The following RNF111 variants were observed in gnomAD, a reference collection of about 807,000 sequenced individuals.
The protein encoded by RNF111 is ring finger protein 111.
RNF111 carries 17 observed loss-of-function variants against 95.1 expected under a neutral mutation model. The ratio of observed to expected loss-of-function variants is 0.18; its 90% confidence interval spans 0.12 to 0.27. The LOEUF (loss-of-function observed/expected upper bound fraction) is 0.27, where lower values mean the gene tolerates loss of function less well. Among genes scored for constraint, RNF111 ranks in the 10% least tolerant of loss-of-function variants. The pLI is 1.00. For synonymous variants in RNF111, 440 were observed against 414.8 expected (o/e 1.06, Z -0.74); for missense variants, 1,189 against 1,210.4 (o/e 0.98, Z 0.26).
chr15:59,003,287 T>TAAC (rs1390899709), intron 1 of RNF111, among the ~76,000 whole-genome samples: 3 of 151,974 alleles, frequency 2.0e-5, no homozygotes, highest in African/African-American at 7.3e-5. Context: ...TAAGTTTTTG[T>TAAC]AGAGACATGC....
intron 1 of RNF111, 33 bp downstream of exon 1, chr15:58,988,101 G>C (rs2038646513): frequency 6.7e-6 from 1 of 148,612 alleles, no homozygotes; most frequent in African/African-American, 2.5e-5. Context: ...GGATCCATTG[G>C]AGGCCGCGCG....
chr15:59,035,099 A>T (rs550363851), intron 2 of RNF111, among the ~76,000 whole-genome samples: 1 of 152,044 alleles, frequency 6.6e-6, no homozygotes, highest in East Asian at 1.9e-4. Flanking sequence ...GTGCAGGGGA[A>T]CTCCCATTTA....
At chr15:59,032,052 C>G (rs142028484) in intron 2 of RNF111, among the ~76,000 whole-genome samples, 1 of 152,088 alleles carries the variant, frequency 6.6e-6, no homozygotes, top group Non-Finnish European at 1.5e-5. Context: ...AATTCTCCTG[C>G]GTCAGCCTCC....
intron 8 of RNF111, among the ~76,000 whole-genome samples, chr15:59,083,062 T>C (rs1198668477): frequency 1.3e-5 from 2 of 151,820 alleles, no homozygotes; most frequent in Admixed American, 1.3e-4. Flanking sequence ...GGTGGGAGGA[T>C]CACTTAAGCC....
chr15:59,001,496 G>C (rs1322483639), intron 1 of RNF111, among the ~76,000 whole-genome samples: 1 of 152,022 alleles, frequency 6.6e-6, no homozygotes, highest in Non-Finnish European at 1.5e-5. Context: ...TAAAGGTCTT[G>C]TATAACTTAC....
intron 2 of RNF111, among the ~76,000 whole-genome samples, chr15:59,044,939 T>C (rs1349549991): frequency 1.3e-5 from 2 of 152,178 alleles, no homozygotes; most frequent in Admixed American, 1.3e-4. Flanking sequence ...GTTCAAGTTA[T>C]GCATAAAGTC....
At chr15:58,999,682 T>C (rs745449066) in intron 1 of RNF111, among the ~76,000 whole-genome samples, 7 of 152,144 alleles carry the variant, frequency 4.6e-5, no homozygotes, top group Non-Finnish European at 7.4e-5. Flanking sequence ...TTTATGAGTT[T>C]TACTTTCTAA....
chr15:59,031,619 C>T lies in RNF111; in HGVS notation c.797C>T (p.Ser266Phe), dbSNP rs1237306108. Residue 266 changes from serine (S) to phenylalanine (F), a missense_variant, in exon 2 of 14, where the codon TCT becomes TTT. By Grantham distance (155) the Ser-to-Phe change is radical. Transcript: ENST00000348370. Reference sequence around the variant, plus strand: ...GAGAATGACCTCAGCAGTGAATCCTCTTCTAGCTCATCAACTGAAGGAGAA... The same window carrying T: ...GAGAATGACCTCAGCAGTGAATCCTTTTCTAGCTCATCAACTGAAGGAGAA... ...SSENDLSSES[S>F]SSSSTEGEED... 1.2e-6 allele frequency: 2 copies of T among 1,614,202 alleles called. No homozygotes were observed. The highest frequency in any genetic ancestry group is 1.7e-6 in the Non-Finnish European group (2 of 1,180,010).
At chr15:59,038,401 T>C (rs1292768839) in intron 2 of RNF111, among the ~76,000 whole-genome samples, 1 of 152,234 alleles carries the variant, frequency 6.6e-6, no homozygotes, top group African/African-American at 2.4e-5. Flanking sequence ...AAGATAACCC[T>C]TGGAATTGTA....
At chr15:59,080,177 G>C (rs752430861) in intron 7 of RNF111, among the ~76,000 whole-genome samples, 1 of 141,732 alleles carries the variant, frequency 7.1e-6, no homozygotes, top group Non-Finnish European at 1.5e-5. Flanking sequence ...CTGGGGTGCA[G>C]TGGCATGATC....
In RNF111 at chr15:59,052,464, A is replaced by T. The variant is rs772373427; in HGVS notation, c.1007+33A>T. The T allele has an allele frequency of 3.9e-5, 56 of 1,439,242 alleles. No homozygotes were observed. In the Admixed American group the frequency reaches 1.3e-3, roughly 34 times the overall value. The allele number at this position is 1,439,242 out of a possible 1,614,324, so 89.2% of individuals were successfully genotyped here. A position where few individuals can be genotyped will look rare whatever the true frequency, so the allele number is the denominator to read the frequency against. ...TTTAATTCTTAGTTAAATGTTTGAAATATTAAATATAAATATTAAACATAT... is the reference window on the plus strand; with the variant it reads ...TTTAATTCTTAGTTAAATGTTTGAATTATTAAATATAAATATTAAACATAT... On this transcript the variant is annotated intron_variant, in intron 3 of 13. Coordinates refer to ENST00000348370, the MANE Select transcript of RNF111 (RefSeq NM_017610.8).
At chr15:59,051,471 A>G (rs111911587) in intron 2 of RNF111, among the ~76,000 whole-genome samples, 3,976 of 125,264 alleles carry the variant, frequency 0.032, 195 homozygotes, top group African/African-American at 0.12. Context: ...AAAAAAAAGG[A>G]AAAAAAAAAA....
intron 5 of RNF111, among the ~76,000 whole-genome samples, chr15:59,060,175 G>A (rs961299053): frequency 5.9e-5 from 9 of 152,084 alleles, no homozygotes; most frequent in Non-Finnish European, 1.2e-4. Flanking sequence ...ACCCAGGGGT[G>A]TCTTTTAAAA....
intron 1 of RNF111, among the ~76,000 whole-genome samples, chr15:59,012,299 G>A (rs1379436304): frequency 2.6e-5 from 4 of 152,098 alleles, no homozygotes; most frequent in Admixed American, 6.5e-5. Context: ...GATTACAGGC[G>A]TGAGCCACTG....
chr15:59,080,076 G>A (rs533603375), intron 7 of RNF111, among the ~76,000 whole-genome samples: 2 of 149,520 alleles, frequency 1.3e-5, no homozygotes, highest in South Asian at 2.1e-4. Context: ...TAAAAATTTA[G>A]TGGTAATGTG....
At chr15:59,012,081 C>T (rs1004102495) in intron 1 of RNF111, among the ~76,000 whole-genome samples, 7 of 121,240 alleles carry the variant, frequency 5.8e-5, no homozygotes, top group African/African-American at 1.6e-4. Flanking sequence ...GTGAGTGGTG[C>T]GATCTTGCGT....
rs946629534 is a variant in RNF111, at chr15:58,988,038, C to G, written c.-50C>G. On this transcript the variant is annotated 5_prime_UTR_variant, in exon 1 of 14. Transcript: ENST00000348370. ...TTCCTGGGTCAGTGATTCCCGGACC[C>G]TGGAAGAGAAGAGGGTGGCTAATGA... 6.9e-6 allele frequency: 1 copy of G among 145,086 alleles called. No homozygotes were observed. The highest frequency in any genetic ancestry group is 2.1e-4 in the South Asian group (1 of 4,712). 9.0% of individuals were successfully genotyped at this position (145,086 alleles called of 1,614,324 possible). A position where few individuals can be genotyped will look rare whatever the true frequency, so the allele number is the denominator to read the frequency against.
intron 6 of RNF111, among the ~76,000 whole-genome samples, chr15:59,073,493 AAAT>A (rs2043033041): frequency 2.6e-5 from 2 of 76,626 alleles, no homozygotes; most frequent in African/African-American, 1.2e-4. Flanking sequence ...AAAAAAAAAA[AAAT>A]AAATAAACTA....
In RNF111 at chr15:59,080,981, C is replaced by A; in HGVS notation, c.1994C>A (p.Pro665Gln). 4 of 1,613,814 alleles carry A rather than the reference C, an allele frequency of 2.5e-6. No homozygotes were observed. Among genetic ancestry groups the A allele is most frequent in the Non-Finnish European group, 3.4e-6 (4 of 1,179,848 alleles). Residue 665 changes from proline to glutamine, a missense_variant, in exon 8 of 14, where the codon CCG becomes CAG. Coordinates refer to ENST00000348370, the MANE Select transcript of RNF111 (RefSeq NM_017610.8). The part of the protein sequence containing the change: ...RPLHHQASAC[P>Q]HSHGNPPPQT... ...CTTCATCATCAAGCTTCTGCCTGCCCGCATTCTCATGGAAACCCCCCTCCT... is the reference window on the plus strand; with the variant it reads ...CTTCATCATCAAGCTTCTGCCTGCCAGCATTCTCATGGAAACCCCCCTCCT...
Sources: gnomAD v4.1 joint callset for allele counts (sites outside exome capture counted in the v4.1 genomes callset) on GRCh38, gnomAD v4.1.1 for gene constraint, MANE v1.5 for transcripts, NCBI Gene and HGNC (gene_info 2026-07-23, HGNC 2026-07-21) for gene names.